FBLN7: variants seen among roughly 807,000 people sequenced by gnomAD.
FBLN7 encodes the protein fibulin-7.
In FBLN7, 31 loss-of-function variants were observed where a neutral mutation model predicts 44.0. The observed-to-expected ratio is 0.70, with a 90% confidence interval of 0.53 to 0.95. FBLN7 has a LOEUF of 0.95. Among genes scored for constraint, FBLN7 ranks in the 40% least tolerant of loss-of-function variants. FBLN7 has a pLI of 0.00. For missense variants in FBLN7, 573 were observed against 618.5 expected (o/e 0.93, Z 0.78); for synonymous variants, 262 against 253.4 (o/e 1.03, Z -0.32).
the FBLN7 span, among the ~76,000 whole-genome samples, chr2:112,231,583 T>C: frequency 6.6e-6 from 1 of 152,210 alleles, no homozygotes; most frequent in Non-Finnish European, 1.5e-5. Flanking sequence ...GCTTAGCTAT[T>C]AAAATGGCTA....
intron 3 of FBLN7, among the ~76,000 whole-genome samples, chr2:112,171,260 A>C (rs1398492458): frequency 6.6e-6 from 1 of 152,126 alleles, no homozygotes; most frequent in East Asian, 1.9e-4. Context: ...GAGGACCTGC[A>C]AGGAGAGGAT....
At chr2:112,238,895 TG>T in the FBLN7 span, among the ~76,000 whole-genome samples, 1 of 152,238 alleles carries the variant, frequency 6.6e-6, no homozygotes, top group African/African-American at 2.4e-5. Flanking sequence ...ATTACATTTC[TG>T]CCTTTGCATT....
the FBLN7 span, among the ~76,000 whole-genome samples, chr2:112,222,587 C>T: frequency 6.6e-6 from 1 of 152,136 alleles, no homozygotes; most frequent in South Asian, 2.1e-4. Context: ...TTGTCAAAAT[C>T]ACAAGGGACA....
the FBLN7 span, chr2:112,236,597 T>C: frequency 6.2e-7 from 1 of 1,614,000 alleles, no homozygotes; most frequent in Non-Finnish European, 8.5e-7. Flanking sequence ...AGCAAAGCAT[T>C]TGATCCTTTG....
the FBLN7 span, among the ~76,000 whole-genome samples, chr2:112,241,284 A>T: frequency 6.6e-6 from 1 of 152,174 alleles, no homozygotes; most frequent in Non-Finnish European, 1.5e-5. Flanking sequence ...AAGAAATGGA[A>T]TAGAATGTCT....
At chr2:112,182,002 GC>G in intron 5 of FBLN7, 126 bp downstream of exon 5, 1 of 1,222,036 alleles carries the variant, frequency 8.2e-7, no homozygotes, top group Non-Finnish European at 1.1e-6. Context: ...AGAAGGCCTG[GC>G]CACTTTGCAT....
intron 1 of FBLN7, chr2:112,152,009 C>T (rs2104548453): frequency 6.6e-6 from 1 of 152,360 alleles, no homozygotes; most frequent in South Asian, 2.1e-4. Context: ...TGACGCCATT[C>T]CTTCACTCCT....
At chr2:112,176,101 A>G (rs1337720328) in intron 4 of FBLN7, 3 of 287,864 alleles carry the variant, frequency 1.0e-5, no homozygotes, top group Non-Finnish European at 1.3e-5. Context: ...CAACGTAAAA[A>G]TCCCCTAGAT....
At chr2:112,227,462 T>C in the FBLN7 span, among the ~76,000 whole-genome samples, 2 of 152,160 alleles carry the variant, frequency 1.3e-5, no homozygotes, top group East Asian at 1.9e-4. Flanking sequence ...AAGGCCGCGG[T>C]TGCAGTGAAC....
chr2:112,155,719 T>C (rs1423668336), intron 1 of FBLN7, among the ~76,000 whole-genome samples: 1 of 152,208 alleles, frequency 6.6e-6, no homozygotes, highest in Non-Finnish European at 1.5e-5. Flanking sequence ...CTGGCGCCTG[T>C]TGCCCACGGA....
Position 112,138,655 on chromosome 2 carries a change from G to T in FBLN7, c.-1G>T. The stretch of plus-strand genomic sequence containing the variant: ...CAGGCAGCGGGATTCCGACTGGCAA[G>T]ATGGTGCCCAGCTCTCCGCGCGCGC... On this transcript the variant is annotated 5_prime_UTR_variant, in exon 1 of 8. Coordinates refer to ENST00000331203, the MANE Select transcript of FBLN7 (RefSeq NM_153214.3). 1 of 1,613,872 alleles carries T rather than the reference G, an allele frequency of 6.2e-7. No homozygotes were observed. The highest frequency in any genetic ancestry group is 8.5e-7 in the Non-Finnish European group (1 of 1,179,914).
chr2:112,140,519 C>T (rs1680588029), intron 1 of FBLN7, among the ~76,000 whole-genome samples: 1 of 152,124 alleles, frequency 6.6e-6, no homozygotes, highest in Non-Finnish European at 1.5e-5. Context: ...GCATCGCTGG[C>T]CGGGCCCCTG....
At chr2:112,198,318 A>G in the FBLN7 span, among the ~76,000 whole-genome samples, 61 of 152,300 alleles carry the variant, frequency 4.0e-4, no homozygotes, top group Middle Eastern at 3.4e-3. Context: ...CGGAGCTCAC[A>G]TAAATGGGAT....
chr2:112,219,334 AG>A, the FBLN7 span, among the ~76,000 whole-genome samples: 1 of 152,206 alleles, frequency 6.6e-6, no homozygotes, highest in Non-Finnish European at 1.5e-5. Context: ...CAATGAAGGA[AG>A]GACGGTCTTT....
chr2:112,159,934 T>C (rs974865567), intron 2 of FBLN7, 99 bp downstream of exon 2: 1 of 1,011,778 alleles, frequency 9.9e-7, no homozygotes. Flanking sequence ...CCCTCACCCT[T>C]CCCCCATCAC....
chr2:112,236,466 T>G, the FBLN7 span: 1 of 1,492,662 alleles, frequency 6.7e-7, no homozygotes, highest in Non-Finnish European at 9.0e-7. Flanking sequence ...TGCTTCCACC[T>G]CTCCATATCA....
At chr2:112,142,802 C>G (rs1034555880) in intron 1 of FBLN7, among the ~76,000 whole-genome samples, 3 of 151,754 alleles carry the variant, frequency 2.0e-5, no homozygotes, top group African/African-American at 7.3e-5. Context: ...GTATGTGTCT[C>G]TGTGTGTGGT....
chr2:112,157,874 G>A (rs971069499), intron 1 of FBLN7, among the ~76,000 whole-genome samples: 1 of 150,898 alleles, frequency 6.6e-6, no homozygotes, highest in Non-Finnish European at 1.5e-5. Context: ...GTGAGCCACC[G>A]CACCCAGCCT....
the FBLN7 span, chr2:112,236,749 C>T: frequency 6.7e-7 from 1 of 1,501,610 alleles, no homozygotes; most frequent in East Asian, 2.4e-5. Context: ...TAGCAGTTTA[C>T]TTTTAAGAAG....
Sources: allele counts gnomAD v4.1 joint callset (sites outside exome capture counted in the v4.1 genomes callset), GRCh38; gene constraint gnomAD v4.1.1; transcripts MANE v1.5; gene names NCBI Gene and HGNC (gene_info 2026-07-23, HGNC 2026-07-21).